The following PCDH15 variants were observed in gnomAD, a reference collection of about 807,000 sequenced individuals.
PCDH15 encodes protocadherin-15.
PCDH15 carries 129 observed loss-of-function variants against 178.5 expected under a neutral mutation model. That is an observed-to-expected ratio of 0.72 (90% CI 0.63 to 0.84). The LOEUF is 0.84. PCDH15 is among the 40% of genes least tolerant of loss of function. PCDH15 has a pLI of 0.00. For synonymous variants in PCDH15, 800 were observed against 732.0 expected (o/e 1.09, Z -1.50); for missense variants, 2,230 against 2,099.9 (o/e 1.06, Z -1.21).
chr10:53,979,738 A>C (rs546514792), intron 21 of PCDH15, among the ~76,000 whole-genome samples: 114 of 152,308 alleles, frequency 7.5e-4, no homozygotes, highest in Non-Finnish European at 1.3e-3. Context: ...AAAAGGAAAC[A>C]TGTGGTGCTA....
At chr10:54,006,263 AAATAT>A (rs2092384021) in intron 20 of PCDH15, among the ~76,000 whole-genome samples, 1 of 152,190 alleles carries the variant, frequency 6.6e-6, no homozygotes, top group Non-Finnish European at 1.5e-5. Flanking sequence ...GTTCACTGAC[AAATAT>A]AATATAAAGA....
chr10:54,370,413 G>A (rs960783817), intron 4 of PCDH15, among the ~76,000 whole-genome samples: 1 of 151,722 alleles, frequency 6.6e-6, no homozygotes, highest in African/African-American at 2.4e-5. Flanking sequence ...TTATGTACTT[G>A]TTTTGGTTTG....
chr10:53,984,435 C>A (rs1310784846), intron 21 of PCDH15, among the ~76,000 whole-genome samples: 1 of 152,102 alleles, frequency 6.6e-6, no homozygotes, highest in Non-Finnish European at 1.5e-5. Context: ...CAGGCGTGAG[C>A]CACCGTGCCT....
At chr10:54,971,657 T>C (rs1838935012) in intron 2 of PCDH15, among the ~76,000 whole-genome samples, 1 of 152,192 alleles carries the variant, frequency 6.6e-6, no homozygotes, top group African/African-American at 2.4e-5. Context: ...ACACTCTTCC[T>C]CCCACTTCAA....
At chr10:54,422,362 T>G (rs1955642016) in intron 3 of PCDH15, among the ~76,000 whole-genome samples, 1 of 152,130 alleles carries the variant, frequency 6.6e-6, no homozygotes, top group Admixed American at 6.6e-5. Context: ...ATAGTGAGGA[T>G]AAATTGAGTG....
chr10:55,602,898 G>A (rs527912220), intron 2 of PCDH15, among the ~76,000 whole-genome samples: 121 of 152,310 alleles, frequency 7.9e-4, no homozygotes, highest in African/African-American at 2.8e-3. Context: ...GAATGACTTT[G>A]ATGAGCTGAG....
At chr10:54,420,913 A>G (rs576182209) in intron 3 of PCDH15, among the ~76,000 whole-genome samples, 1 of 152,140 alleles carries the variant, frequency 6.6e-6, no homozygotes, top group African/African-American at 2.4e-5. Context: ...TTCAGGAAAC[A>G]TGCCAGTACA....
chr10:53,988,981 A>T (rs777588751), intron 21 of PCDH15, among the ~76,000 whole-genome samples: 38 of 152,330 alleles, frequency 2.5e-4, no homozygotes, highest in Non-Finnish European at 5.4e-4. Context: ...CACAAGGTCA[A>T]ACATCTATGG....
chr10:54,951,615 T>C (rs1357018421), intron 2 of PCDH15, among the ~76,000 whole-genome samples: 1 of 151,912 alleles, frequency 6.6e-6, no homozygotes. Context: ...AAGAGTGTTT[T>C]TAGTTTTGTA....
chr10:55,247,196 T>G (rs958041282), intron 1 of PCDH15, among the ~76,000 whole-genome samples: 1 of 152,186 alleles, frequency 6.6e-6, no homozygotes, highest in African/African-American at 2.4e-5. Context: ...AATGTATTCT[T>G]TAGTTTAGAT....
intron 13 of PCDH15, among the ~76,000 whole-genome samples, chr10:54,164,870 C>A (rs1034280032): frequency 6.6e-6 from 1 of 152,136 alleles, no homozygotes; most frequent in South Asian, 2.1e-4. Context: ...TATATTGTTG[C>A]CTGCCTGGTA....
At chr10:54,769,010 T>C (rs1266836700) in intron 1 of PCDH15, among the ~76,000 whole-genome samples, 2 of 152,164 alleles carry the variant, frequency 1.3e-5, no homozygotes, top group African/African-American at 2.4e-5. Context: ...TTGTTTTGAT[T>C]ATCTGAGCCT....
intron 3 of PCDH15, among the ~76,000 whole-genome samples, chr10:54,448,189 T>C (rs1565303211): frequency 6.6e-6 from 1 of 151,712 alleles, no homozygotes; most frequent in African/African-American, 2.4e-5. Context: ...TGGCATCTGG[T>C]TCCCCAACTT....
At chr10:54,124,653 G>C (rs1404271769) in intron 15 of PCDH15, among the ~76,000 whole-genome samples, 2 of 152,142 alleles carry the variant, frequency 1.3e-5, no homozygotes, top group African/African-American at 2.4e-5. Flanking sequence ...TAATACACGT[G>C]ACATTATAAA....
chr10:55,127,034 A>G (rs1837919832), intron 2 of PCDH15, among the ~76,000 whole-genome samples: 1 of 152,066 alleles, frequency 6.6e-6, no homozygotes, highest in African/African-American at 2.4e-5. Context: ...CTAGTAGAAC[A>G]TACTTCAAAT....
At chr10:54,161,646 G>T (rs75613773) in intron 13 of PCDH15, among the ~76,000 whole-genome samples, 2,707 of 148,414 alleles carry the variant, frequency 0.018, 31 homozygotes, top group Non-Finnish European at 0.031. Flanking sequence ...TCTCATGGGA[G>T]TTTCTTCCTC....
intron 10 of PCDH15, among the ~76,000 whole-genome samples, chr10:54,203,099 C>A (rs1591144526): frequency 6.6e-6 from 1 of 152,090 alleles, no homozygotes; most frequent in African/African-American, 2.4e-5. Context: ...AGCAAAAACT[C>A]CAGATAATAC....
intron 1 of PCDH15, among the ~76,000 whole-genome samples, chr10:55,280,780 A>G (rs970263429): frequency 2.0e-5 from 3 of 152,146 alleles, no homozygotes; most frequent in Non-Finnish European, 4.4e-5. Context: ...TTAAATTCAC[A>G]TTTATAAATT....
chr10:54,715,756 G>A (rs66575754), intron 1 of PCDH15, among the ~76,000 whole-genome samples: 1 of 151,872 alleles, frequency 6.6e-6, no homozygotes, highest in Non-Finnish European at 1.5e-5. Context: ...GCACACACAC[G>A]TCCACAGATT....
Sources: allele counts gnomAD v4.1 joint callset (sites outside exome capture counted in the v4.1 genomes callset), GRCh38; gene constraint gnomAD v4.1.1; transcripts MANE v1.5; gene names NCBI Gene and HGNC (gene_info 2026-07-23, HGNC 2026-07-21).